The following MACROD2 variants were observed in gnomAD, a reference collection of about 807,000 sequenced individuals.
MACROD2 encodes the protein mono-ADP ribosylhydrolase 2.
In MACROD2, 36 loss-of-function variants were observed where a neutral mutation model predicts 70.4. That is an observed-to-expected ratio of 0.51 (90% CI 0.39 to 0.68). The LOEUF (loss-of-function observed/expected upper bound fraction) is 0.68. Ranked by LOEUF, MACROD2 falls within the 30% of genes least tolerant of loss-of-function variation. MACROD2 has a pLI of 0.00. For synonymous variants in MACROD2, 172 were observed against 178.8 expected (o/e 0.96, Z 0.30); for missense variants, 496 against 538.4 (o/e 0.92, Z 0.78).
chr20:15,872,886 T>C (rs2064605899), intron 9 of MACROD2, among the ~76,000 whole-genome samples: 1 of 152,152 alleles, frequency 6.6e-6, no homozygotes, highest in Non-Finnish European at 1.5e-5. Context: ...ATTAGTCTTA[T>C]AACTTGCTAT....
chr20:15,600,494 G>A (rs769274834), intron 8 of MACROD2, among the ~76,000 whole-genome samples: 4 of 151,996 alleles, frequency 2.6e-5, no homozygotes, highest in African/African-American at 4.8e-5. Context: ...ATATCTCCCC[G>A]CCCTCCCCTT....
intron 6 of MACROD2, among the ~76,000 whole-genome samples, chr20:15,347,216 G>A (rs1182182831): frequency 6.6e-6 from 1 of 152,008 alleles, no homozygotes; most frequent in African/African-American, 2.4e-5. Context: ...CATTTATATA[G>A]CCTTATTGTC....
intron 6 of MACROD2, among the ~76,000 whole-genome samples, chr20:15,285,938 A>G (rs1336182411): frequency 6.6e-6 from 1 of 152,136 alleles, no homozygotes; most frequent in East Asian, 1.9e-4. Context: ...TGATTAATCA[A>G]AAAGTATCAT....
intron 2 of MACROD2, among the ~76,000 whole-genome samples, chr20:14,014,503 C>G (rs1190183034): frequency 6.6e-6 from 1 of 152,090 alleles, no homozygotes; most frequent in Non-Finnish European, 1.5e-5. Flanking sequence ...CAATGAAAAC[C>G]TATGAAGATT....
At chr20:14,866,593 C>G (rs2073430155) in intron 5 of MACROD2, among the ~76,000 whole-genome samples, 1 of 151,952 alleles carries the variant, frequency 6.6e-6, no homozygotes, top group South Asian at 2.1e-4. Context: ...ATAAAATTGT[C>G]CAGGAGAACA....
intron 6 of MACROD2, among the ~76,000 whole-genome samples, chr20:15,241,896 A>G (rs1012430998): frequency 6.6e-6 from 1 of 152,264 alleles, no homozygotes; most frequent in South Asian, 2.1e-4. Flanking sequence ...AATAGGTGAC[A>G]TGTTCTGTTG....
chr20:15,605,984 A>C (rs377012154), intron 8 of MACROD2, among the ~76,000 whole-genome samples: 101 of 152,274 alleles, frequency 6.6e-4, no homozygotes, highest in African/African-American at 1.9e-3. Flanking sequence ...AACTGATTAC[A>C]TACTCCCTTA....
intron 5 of MACROD2, among the ~76,000 whole-genome samples, chr20:15,030,299 C>T (rs1444496398): frequency 2.6e-5 from 4 of 152,032 alleles, no homozygotes; most frequent in Non-Finnish European, 5.9e-5. Flanking sequence ...TGTCTCTACA[C>T]AAAAATTTTT....
intron 6 of MACROD2, among the ~76,000 whole-genome samples, chr20:15,263,740 T>A (rs1234139162): frequency 1.3e-5 from 2 of 152,112 alleles, no homozygotes; most frequent in Non-Finnish European, 2.9e-5. Flanking sequence ...ATTGTAGAGA[T>A]CTTTCACTTC....
At chr20:14,165,283 A>G (rs2055251352) in intron 3 of MACROD2, among the ~76,000 whole-genome samples, 1 of 152,072 alleles carries the variant, frequency 6.6e-6, no homozygotes, top group African/African-American at 2.4e-5. Context: ...TTCTCCTATG[A>G]CTAGGATTGC....
chr20:15,373,053 C>G lies in MACROD2; in HGVS notation c.541-58352C>G, dbSNP rs1011799490. Among the ~76,000 whole-genome samples, 7 of 151,882 alleles carry G rather than the reference C, an allele frequency of 4.6e-5. 1 individual carries two copies. The East Asian group carries it at 1.4e-3, about 29-fold the overall frequency. ...CCAGCCTGGGCCACAGGAGAAAACC[C>G]TAAAAAAAAATCCTTTTCTATAACA... On this transcript the variant is annotated intron_variant, in intron 6 of 17. Coordinates refer to ENST00000684519, the MANE Select transcript of MACROD2 (RefSeq NM_001351661.2).
chr20:15,330,376 A>AC (rs1199650405), intron 6 of MACROD2, among the ~76,000 whole-genome samples: 1 of 148,002 alleles, frequency 6.8e-6, no homozygotes. Context: ...ACTTTGGTAG[A>AC]CTCCAGGCTC....
chr20:15,868,636 T>A (rs1478025809), intron 9 of MACROD2, among the ~76,000 whole-genome samples: 1 of 146,208 alleles, frequency 6.8e-6, no homozygotes, highest in Non-Finnish European at 1.5e-5. Context: ...TTGGTGACCA[T>A]TGGTTGATAA....
intron 5 of MACROD2, among the ~76,000 whole-genome samples, chr20:14,727,811 C>T (rs762378486): frequency 3.3e-5 from 5 of 152,134 alleles, no homozygotes; most frequent in Non-Finnish European, 5.9e-5. Context: ...AAGCTCTTTC[C>T]AACTCTTTTC....
intron 10 of MACROD2, among the ~76,000 whole-genome samples, chr20:15,907,544 G>T (rs1247794115): frequency 6.6e-6 from 1 of 152,206 alleles, no homozygotes; most frequent in Non-Finnish European, 1.5e-5. Context: ...TTAGCAAAGG[G>T]TTAATATTAC....
chr20:14,655,936 A>T (rs1985951236), intron 4 of MACROD2, among the ~76,000 whole-genome samples: 1 of 152,146 alleles, frequency 6.6e-6, no homozygotes, highest in Non-Finnish European at 1.5e-5. Context: ...ATAGCTTATT[A>T]TACATGGGCT....
intron 10 of MACROD2, among the ~76,000 whole-genome samples, chr20:15,905,256 T>C (rs1242053585): frequency 6.6e-6 from 1 of 152,206 alleles, no homozygotes; most frequent in Non-Finnish European, 1.5e-5. Context: ...GAAACTTTCT[T>C]TTAAAACTCC....
intron 2 of MACROD2, among the ~76,000 whole-genome samples, chr20:14,025,156 T>G (rs1399858346): frequency 1.3e-5 from 2 of 152,218 alleles, no homozygotes; most frequent in East Asian, 3.8e-4. Context: ...TTTATTTGCA[T>G]AGAGGTGTTT....
At chr20:15,564,291 A>G (rs914637647) in intron 8 of MACROD2, among the ~76,000 whole-genome samples, 4 of 152,192 alleles carry the variant, frequency 2.6e-5, no homozygotes, top group African/African-American at 9.7e-5. Context: ...CCGACGTAAC[A>G]CTGGTATCTT....
Sources: allele counts gnomAD v4.1 joint callset (sites outside exome capture counted in the v4.1 genomes callset), GRCh38; gene constraint gnomAD v4.1.1; transcripts MANE v1.5; gene names NCBI Gene and HGNC (gene_info 2026-07-23, HGNC 2026-07-21).